The following C11orf65 variants were observed in gnomAD, a reference collection of about 807,000 sequenced individuals.
The protein encoded by C11orf65 is protein MFI.
Under a neutral mutation model 35.3 loss-of-function variants are expected in C11orf65, and 38 were observed. The ratio of observed to expected loss-of-function variants is 1.08; its 90% CI spans 0.83 to 1.41. The LOEUF (loss-of-function observed/expected upper bound fraction) is 1.41. Ranked by LOEUF, C11orf65 falls within the 40% of genes most tolerant of loss-of-function variation. The probability of loss-of-function intolerance (pLI) is 0.00; values close to 1 mark genes in which losing one functional copy is unlikely to be tolerated. For missense variants in C11orf65, 370 were observed against 367.1 expected (o/e 1.01, Z -0.06); for synonymous variants, 105 against 114.4 (o/e 0.92, Z 0.53).
intron 2 of C11orf65, among the ~76,000 whole-genome samples, chr11:108,364,691 C>T (rs2091150404): frequency 1.3e-5 from 2 of 152,110 alleles, no homozygotes; most frequent in South Asian, 2.1e-4. Context: ...CTCTCCAGTT[C>T]CCACATCCCA....
intron 8 of C11orf65, among the ~76,000 whole-genome samples, chr11:108,385,327 C>A (rs2091965690): frequency 6.6e-6 from 1 of 152,148 alleles, no homozygotes. Context: ...CTGCCTCAGC[C>A]TCCCAAAGTG....
At chr11:108,439,789 T>C (rs757670122) in intron 2 of C11orf65, among the ~76,000 whole-genome samples, 1 of 152,096 alleles carries the variant, frequency 6.6e-6, no homozygotes, top group Non-Finnish European at 1.5e-5. Flanking sequence ...CAAAGTAGAA[T>C]AGAGATAACT....
chr11:108,352,778 G>C lies in C11orf65; in HGVS notation c.227-17486C>G, dbSNP rs529129865. ...ACATAACAATTTGGATGAATCTCCAGAGAATTAGGCTGAGTGTAAAAAGCT... is the reference window on the plus strand; with the variant it reads ...ACATAACAATTTGGATGAATCTCCACAGAATTAGGCTGAGTGTAAAAAGCT... On this transcript the variant is annotated intron_variant, in intron 2 of 3. Transcript: ENST00000524755. Among the ~76,000 whole-genome samples, 8 of 152,316 alleles carry C rather than the reference G, an allele frequency of 5.3e-5. No individual in the cohort carries two copies. In the South Asian group the frequency reaches 1.7e-3, roughly 32 times the overall value.
At chr11:108,355,164 T>A (rs1191510562) in intron 2 of C11orf65, 1 of 382,844 alleles carries the variant, frequency 2.6e-6, no homozygotes, top group Admixed American at 4.1e-5. Context: ...CATATGGTAT[T>A]ATTATTTTCA....
Position 108,317,615 on chromosome 11 carries a change from TTATATATATA to T in C11orf65, c.641-8554_641-8545del, listed in dbSNP as rs376158749. On this transcript the variant is annotated intron_variant, in intron 6 of 6. Transcript: ENST00000525729. Reference sequence around the variant, plus strand: ...TTCTATGAATATAACAGGAGTTGTTTTATATATATATATATATATATATATATATATATAT... The same window carrying T: ...TTCTATGAATATAACAGGAGTTGTTTTATATATATATATATATATATATAT... 5.4e-3 allele frequency: 1,167 copies of T among 215,012 alleles called. 35 individuals carry two copies. The highest frequency in any genetic ancestry group is 8.2e-3 in the Middle Eastern group (5 of 608). 13.3% of individuals were successfully genotyped at this position (215,012 alleles called of 1,614,324 possible). A position where few individuals can be genotyped will look rare whatever the true frequency, so the allele number is the denominator to read the frequency against.
intron 6 of C11orf65, among the ~76,000 whole-genome samples, chr11:108,403,421 T>G (rs1412928744): frequency 3.9e-5 from 5 of 129,614 alleles, no homozygotes. Flanking sequence ...TTTTTTTTTG[T>G]TTTTTTTTTT....
At chr11:108,377,231 A>G (rs977117621) in intron 2 of C11orf65, among the ~76,000 whole-genome samples, 15 of 152,152 alleles carry the variant, frequency 9.9e-5, no homozygotes, top group African/African-American at 2.9e-4. Flanking sequence ...AAAATCCTCA[A>G]TAAAATACTG....
chr11:108,337,547 G>A (rs374099048), intron 2 of C11orf65, among the ~76,000 whole-genome samples: 3 of 152,292 alleles, frequency 2.0e-5, no homozygotes, highest in African/African-American at 7.2e-5. Context: ...TAGAACCTGT[G>A]AATGTGCGTT....
chr11:108,325,213 T>A (rs1346266856), intron 6 of C11orf65: 1 of 830,030 alleles, frequency 1.2e-6, no homozygotes, highest in Admixed American at 2.6e-5. Flanking sequence ...CTTTGTATTA[T>A]TATAATATTA....
chr11:108,404,210 T>A (rs557326518), intron 6 of C11orf65, among the ~76,000 whole-genome samples: 3 of 152,204 alleles, frequency 2.0e-5, no homozygotes, highest in Middle Eastern at 3.2e-3. Context: ...TCTGTCCCAG[T>A]AGGATTTCCC....
At chr11:108,454,302 C>CT (rs35688885) in intron 2 of C11orf65, among the ~76,000 whole-genome samples, 17,502 of 137,952 alleles carry the variant, frequency 0.13, 1,288 homozygotes, top group Non-Finnish European at 0.15. Flanking sequence ...TTTGAGTCTT[C>CT]TTTTTTTTTT....
At chr11:108,340,986 G>A (rs2087490546) in intron 2 of C11orf65, among the ~76,000 whole-genome samples, 1 of 152,098 alleles carries the variant, frequency 6.6e-6, no homozygotes, top group South Asian at 2.1e-4. Flanking sequence ...ATCTGCAGCT[G>A]CAGAGGGCCA....
At chr11:108,309,134 G>T in intron 6 of C11orf65, 1 of 933,058 alleles carries the variant, frequency 1.1e-6, no homozygotes, top group Non-Finnish European at 1.7e-6. Context: ...GTCCAAGCTT[G>T]TGCTGTGTAA....
chr11:108,357,043 C>T (rs569590061), intron 2 of C11orf65, among the ~76,000 whole-genome samples: 40 of 152,370 alleles, frequency 2.6e-4, no homozygotes, highest in African/African-American at 9.1e-4. Context: ...CCAGGTTCAT[C>T]TCACTAGGGA....
At chr11:108,433,371 G>T (rs993151361) in intron 2 of C11orf65, among the ~76,000 whole-genome samples, 1 of 151,766 alleles carries the variant, frequency 6.6e-6, no homozygotes, top group African/African-American at 2.4e-5. Context: ...GAGGTCAGGA[G>T]ATCGAGACCA....
At chr11:108,313,015 G>A (rs190707426) in intron 6 of C11orf65, among the ~76,000 whole-genome samples, 87 of 152,102 alleles carry the variant, frequency 5.7e-4, no homozygotes, top group Non-Finnish European at 1.5e-4. Flanking sequence ...CTTCTATGCC[G>A]CTGCTTTCAG....
intron 2 of C11orf65, among the ~76,000 whole-genome samples, chr11:108,440,463 G>C (rs1304720538): frequency 1.3e-5 from 2 of 152,188 alleles, no homozygotes; most frequent in Non-Finnish European, 1.5e-5. Flanking sequence ...CTGCATTCTA[G>C]CTGTCAGCTA....
intron 2 of C11orf65, among the ~76,000 whole-genome samples, chr11:108,375,160 A>C (rs2091688556): frequency 6.6e-6 from 1 of 151,998 alleles, no homozygotes; most frequent in African/African-American, 2.4e-5. Context: ...CTCCTCGAGA[A>C]GAGCAACTCC....
At chr11:108,458,300 G>C (rs757617055) in intron 2 of C11orf65, among the ~76,000 whole-genome samples, 8 of 146,026 alleles carry the variant, frequency 5.5e-5, no homozygotes, top group Admixed American at 2.1e-4. Flanking sequence ...GAACTGGGAG[G>C]CGCCAAAATT....
Sources: gnomAD v4.1 joint callset for allele counts (sites outside exome capture counted in the v4.1 genomes callset) on GRCh38, gnomAD v4.1.1 for gene constraint, MANE v1.5 for transcripts, NCBI Gene and HGNC (gene_info 2026-07-23, HGNC 2026-07-21) for gene names.